Variants in NUP214 observed in about 807,000 individuals in gnomAD.
The protein encoded by NUP214 is nucleoporin 214, also known as nuclear pore complex protein Nup214.
In NUP214, 79 loss-of-function variants were observed where a neutral mutation model predicts 196.2. The observed-to-expected ratio is 0.40, with a 90% CI of 0.34 to 0.49. The LOEUF is 0.49. Among genes scored for constraint, NUP214 ranks in the 20% least tolerant of loss-of-function variants. The probability of loss-of-function intolerance (pLI) is 0.58; values close to 1 mark genes in which losing one functional copy is unlikely to be tolerated. For missense variants in NUP214, 2,468 were observed against 2,539.0 expected, an observed-to-expected ratio of 0.97 and a Z score of 0.60; for synonymous variants, 1,020 against 990.5, an observed-to-expected ratio of 1.03 and a Z score of -0.56.
chr9:131,140,842 C>A, intron 11 of NUP214, 132 bp downstream of exon 11: 2 of 821,066 alleles, frequency 2.4e-6, no homozygotes, highest in Non-Finnish European at 3.7e-6. Flanking sequence ...GGAAGGCACA[C>A]ACTAATCTTT....
chr9:131,213,213 T>C (rs1461326610), intron 30 of NUP214, among the ~76,000 whole-genome samples: 2 of 151,910 alleles, frequency 1.3e-5, no homozygotes, highest in Non-Finnish European at 1.5e-5. Flanking sequence ...TTCGCTCTTG[T>C]TGCCCAGACT....
intron 21 of NUP214, chr9:131,167,070 C>T (rs1832805782): frequency 6.6e-6 from 1 of 152,094 alleles, no homozygotes. Context: ...GCCGGCTGTC[C>T]CACTTACCCC....
rs1834905242 is a variant in NUP214 at position 131,232,408 on chromosome 9, T to C, written c.6239+100T>C. ...GATTTGTGCATTTTCTTTTCGTTTT[T>C]TCCTGTTTTTAGAGTTTGTCCTGGA... is the stretch of plus-strand genomic sequence containing the variant. On this transcript the variant is annotated intron_variant, in intron 35 of 35. Coordinates refer to ENST00000359428, the MANE Select transcript of NUP214 (RefSeq NM_005085.4). This position sits in a 1 kb window ranked among gnomAD's most constrained non-coding sequence, Gnocchi z 5.1. The C allele has an allele frequency of 1.5e-6, 2 of 1,316,074 alleles. No individual in the cohort carries two copies. The highest frequency in any genetic ancestry group is 2.2e-6 in the Non-Finnish European group (2 of 910,956). 81.5% of individuals were successfully genotyped at this position (1,316,074 alleles called of 1,614,324 possible). A position where few individuals can be genotyped will look rare whatever the true frequency, so the allele number is the denominator to read the frequency against.
intron 5 of NUP214, among the ~76,000 whole-genome samples, chr9:131,131,805 C>T (rs1831551667): frequency 6.6e-6 from 1 of 151,984 alleles, no homozygotes; most frequent in African/African-American, 2.4e-5. Flanking sequence ...CCTTCCACTT[C>T]AGCCTCCCGG....
At chr9:131,223,711 T>TTTTATTTA (rs1371826550) in intron 32 of NUP214, among the ~76,000 whole-genome samples, 1,626 of 26,934 alleles carry the variant, frequency 0.06, 224 homozygotes, top group Middle Eastern at 0.094. Flanking sequence ...TTTTTTTTAT[T>TTTTATTTA]TTTATTTATT....
At chr9:131,160,990 A>G (rs1832614811) in intron 18 of NUP214, among the ~76,000 whole-genome samples, 1 of 152,240 alleles carries the variant, frequency 6.6e-6, no homozygotes, top group Non-Finnish European at 1.5e-5. Context: ...ACAATGGTCT[A>G]ACCTTACAGT....
chr9:131,128,563 C>T (rs1244234304), intron 3 of NUP214, 80 bp downstream of exon 3: 2 of 1,267,778 alleles, frequency 1.6e-6, no homozygotes, highest in Non-Finnish European at 1.1e-6. Flanking sequence ...TTGGAAGCTT[C>T]ATAGGTTAAC....
chr9:131,148,534 A>G (rs866935801), intron 14 of NUP214, among the ~76,000 whole-genome samples: 8 of 152,298 alleles, frequency 5.3e-5, no homozygotes, highest in South Asian at 4.2e-4. Context: ...GTAGATTCCC[A>G]CCAAGAGTGT....
intron 5 of NUP214, 74 bp from the exon 6 acceptor site, chr9:131,132,522 T>A: frequency 7.7e-7 from 1 of 1,293,342 alleles, no homozygotes; most frequent in Non-Finnish European, 1.1e-6. Context: ...AAGGAATAGA[T>A]TAGATTTGAC....
At chr9:131,173,021 G>C (rs1291397931) in intron 21 of NUP214, among the ~76,000 whole-genome samples, 3 of 152,146 alleles carry the variant, frequency 2.0e-5, no homozygotes, top group Admixed American at 6.6e-5. Flanking sequence ...AGAAGGCCGG[G>C]ATTCAGTTCA....
chr9:131,187,472 T>C, intron 25 of NUP214, 108 bp downstream of exon 25: 1 of 771,388 alleles, frequency 1.3e-6, no homozygotes, highest in Non-Finnish European at 2.1e-6. Flanking sequence ...CCGCAACCTC[T>C]GCCTCCTGGG....
chr9:131,175,241 A>G (rs117259823), intron 22 of NUP214, among the ~76,000 whole-genome samples: 1 of 152,376 alleles, frequency 6.6e-6, no homozygotes, highest in East Asian at 1.9e-4. Flanking sequence ...CTCAATCAGT[A>G]TCAGGAAATG....
chr9:131,131,692 A>T lies in NUP214; in HGVS notation c.663+856A>T, dbSNP rs574566173. On this transcript the variant is annotated intron_variant, in intron 5 of 35. Coordinates refer to ENST00000359428, the MANE Select transcript of NUP214 (RefSeq NM_005085.4). ...CTTAATTTTTTATTTATTTATTATT[A>T]TTTTTTTTTGAGAGATGGTCTTGCT... 2.8e-3 allele frequency among the ~76,000 whole-genome samples: 419 copies of T among 151,162 alleles called. 3 individuals are homozygous for T. The highest frequency in any genetic ancestry group is 9.2e-3 in the African/African-American group (378 of 41,220).
At chr9:131,133,956 T>G (rs982792831) in intron 7 of NUP214, among the ~76,000 whole-genome samples, 1 of 152,184 alleles carries the variant, frequency 6.6e-6, no homozygotes, top group African/African-American at 2.4e-5. Flanking sequence ...AATTTTTATT[T>G]ATTTTTTAGA....
rs1420495739 is a variant in NUP214, at chr9:131,201,000, A to G, written c.5522-647A>G. On this transcript the variant is annotated intron_variant, in intron 29 of 35. Coordinates refer to ENST00000359428, the MANE Select transcript of NUP214 (RefSeq NM_005085.4). Reference sequence around the variant, plus strand: ...AGCCCCCATCCACGTGGGGTTTGGTAGGAGAGGATTCATTCCCCAGGGCTT... The same window carrying G: ...AGCCCCCATCCACGTGGGGTTTGGTGGGAGAGGATTCATTCCCCAGGGCTT... Among the ~76,000 whole-genome samples the G allele has an allele frequency of 2.0e-5, 3 of 151,476 alleles. No homozygotes were observed. The East Asian group carries it at 5.8e-4, about 29-fold the overall frequency.
At chr9:131,182,009 A>G (rs117149791) in intron 24 of NUP214, among the ~76,000 whole-genome samples, 7 of 152,306 alleles carry the variant, frequency 4.6e-5, no homozygotes, top group African/African-American at 1.4e-4. Flanking sequence ...TAGAGATCCA[A>G]CTTCATTGTT....
intron 29 of NUP214, 81 bp from the exon 30 acceptor site, chr9:131,201,566 A>AG: frequency 4.8e-6 from 6 of 1,253,342 alleles, no homozygotes; most frequent in Non-Finnish European, 6.9e-6. Flanking sequence ...TCTGCCTCAA[A>AG]AAAAAAAAAC....
intron 24 of NUP214, among the ~76,000 whole-genome samples, chr9:131,184,456 C>T (rs1833393145): frequency 6.6e-6 from 1 of 151,620 alleles, no homozygotes; most frequent in South Asian, 2.1e-4. Context: ...GCTTCAGCCT[C>T]CCAAGTAGCT....
chr9:131,151,716 C>G lies in NUP214; in HGVS notation c.2278-20C>G. ...GACGTAACAACTTTTTGTACCAACA[C>G]ATTATTGTACTTTTTCTAGTCGCTT... On this transcript the variant is annotated intron_variant, in intron 16 of 35. Coordinates refer to ENST00000359428, the MANE Select transcript of NUP214 (RefSeq NM_005085.4). 6.3e-7 allele frequency: 1 copy of G among 1,588,676 alleles called. No individual in the cohort carries two copies. The highest frequency in any genetic ancestry group is 8.5e-7 in the Non-Finnish European group (1 of 1,170,988).
Sources: gnomAD v4.1 joint callset for allele counts (sites outside exome capture counted in the v4.1 genomes callset) on GRCh38, gnomAD v4.1.1 for gene constraint, Gnocchi (gnomAD v3.1) non-coding constraint, MANE v1.5 for transcripts, NCBI Gene and HGNC (gene_info 2026-07-23, HGNC 2026-07-21) for gene names.